The following CTNNA3 variants were observed in gnomAD, a reference collection of about 807,000 sequenced individuals.
CTNNA3 encodes catenin alpha 3.
A neutral mutation model predicts 95.7 loss-of-function variants in CTNNA3; 76 were observed. The ratio of observed to expected loss-of-function variants is 0.79; its 90% confidence interval spans 0.66 to 0.96. CTNNA3 has a LOEUF of 0.96. Among genes scored for constraint, CTNNA3 ranks in the 40% least tolerant of loss-of-function variants. CTNNA3 has a pLI of 0.00. For synonymous variants in CTNNA3, 431 were observed against 374.4 expected (o/e 1.15, Z -1.74); for missense variants, 1,191 against 1,089.8 (o/e 1.09, Z -1.31).
intron 10 of CTNNA3, among the ~76,000 whole-genome samples, chr10:66,574,498 T>C (rs1176553460): frequency 6.6e-6 from 1 of 152,060 alleles, no homozygotes; most frequent in African/African-American, 2.4e-5. Flanking sequence ...AACTAGGAAA[T>C]AACGTTCTTT....
intron 5 of CTNNA3, among the ~76,000 whole-genome samples, chr10:67,460,042 T>C (rs1430796714): frequency 6.7e-6 from 1 of 148,526 alleles, no homozygotes; most frequent in African/African-American, 2.6e-5. Flanking sequence ...TTTTACCCAA[T>C]AATAAGATTA....
intron 5 of CTNNA3, among the ~76,000 whole-genome samples, chr10:67,476,659 G>T (rs978499550): frequency 2.0e-5 from 3 of 150,238 alleles, no homozygotes; most frequent in Admixed American, 6.6e-5. Flanking sequence ...GCACCATGCC[G>T]ATTAAACTTC....
At chr10:67,392,142 T>C (rs1173199199) in intron 5 of CTNNA3, among the ~76,000 whole-genome samples, 6 of 152,246 alleles carry the variant, frequency 3.9e-5, no homozygotes, top group Admixed American at 3.3e-4. Context: ...GAGAAAATTT[T>C]CACAACCTAC....
At chr10:67,031,098 A>G (rs1411040810) in intron 7 of CTNNA3, among the ~76,000 whole-genome samples, 2 of 152,226 alleles carry the variant, frequency 1.3e-5, no homozygotes, top group Non-Finnish European at 2.9e-5. Context: ...CTGTTTTCAC[A>G]TGTTTGTAAA....
chr10:67,484,994 T>C (rs1848388876), intron 5 of CTNNA3, among the ~76,000 whole-genome samples: 1 of 152,090 alleles, frequency 6.6e-6, no homozygotes. Flanking sequence ...AATAAATCAT[T>C]CTACCAAAAA....
chr10:66,355,093 C>T (rs2092598669), intron 12 of CTNNA3, among the ~76,000 whole-genome samples: 2 of 152,098 alleles, frequency 1.3e-5, no homozygotes, highest in African/African-American at 2.4e-5. Flanking sequence ...CGTTCATCAT[C>T]AAACATACCT....
chr10:66,535,394 G>A (rs1286281844), intron 10 of CTNNA3, among the ~76,000 whole-genome samples: 1 of 152,106 alleles, frequency 6.6e-6, no homozygotes, highest in Non-Finnish European at 1.5e-5. Flanking sequence ...TAATTCAATG[G>A]GCTATGTATA....
rs76025797 is a variant in CTNNA3, at chr10:67,220,170, C to A, written c.580-300G>T. Among the ~76,000 whole-genome samples the A allele has an allele frequency of 0.016, 2,450 of 152,274 alleles. 74 individuals carry two copies. The highest frequency in any genetic ancestry group is 0.054 in the African/African-American group (2,225 of 41,548). ...AATCCTTATAAGTAGCTAAAATACTCTGGCATTCACATTATTAAGTGCATT... is the reference window on the plus strand; with the variant it reads ...AATCCTTATAAGTAGCTAAAATACTATGGCATTCACATTATTAAGTGCATT... On this transcript the variant is annotated intron_variant, in intron 5 of 17. Transcript: ENST00000433211.
At chr10:66,915,571 G>A (rs948853375) in intron 7 of CTNNA3, among the ~76,000 whole-genome samples, 1 of 151,846 alleles carries the variant, frequency 6.6e-6, no homozygotes, top group Admixed American at 6.6e-5. Flanking sequence ...TAGGGATCCT[G>A]TTCTGGAAAA....
intron 1 of CTNNA3, among the ~76,000 whole-genome samples, chr10:67,728,133 T>C (rs934144999): frequency 6.9e-6 from 1 of 144,986 alleles, no homozygotes; most frequent in Non-Finnish European, 1.5e-5. Context: ...ATAACACATA[T>C]ATGTATATAT....
intron 13 of CTNNA3, among the ~76,000 whole-genome samples, chr10:66,104,060 C>T (rs925686040): frequency 6.6e-5 from 10 of 152,222 alleles, no homozygotes; most frequent in Admixed American, 6.5e-4. Flanking sequence ...CAAAATGCCA[C>T]CAGAAATTAT....
chr10:66,778,382 G>A (rs890608792), intron 7 of CTNNA3, among the ~76,000 whole-genome samples: 4 of 152,032 alleles, frequency 2.6e-5, no homozygotes, highest in African/African-American at 7.2e-5. Context: ...CAATGAGCTC[G>A]GACTAAAGGT....
At chr10:67,139,219 G>A (rs147435133) in intron 7 of CTNNA3, among the ~76,000 whole-genome samples, 182 of 151,722 alleles carry the variant, frequency 1.2e-3, no homozygotes, top group African/African-American at 3.9e-3. Context: ...TGCAACCTCC[G>A]CCTCCCAGGT....
At chr10:66,706,156 T>A (rs1848109618) in intron 9 of CTNNA3, among the ~76,000 whole-genome samples, 2 of 152,148 alleles carry the variant, frequency 1.3e-5, no homozygotes, top group African/African-American at 4.8e-5. Context: ...GGTTTACTAC[T>A]GCCTACAAAA....
intron 17 of CTNNA3, among the ~76,000 whole-genome samples, chr10:65,933,885 C>T (rs149617349): frequency 1.3e-5 from 2 of 152,206 alleles, no homozygotes; most frequent in Non-Finnish European, 2.9e-5. Context: ...GACCCAGTCC[C>T]GACCAGCTGG....
At chr10:67,655,770 G>A (rs1243947762) in intron 1 of CTNNA3, among the ~76,000 whole-genome samples, 1 of 141,016 alleles carries the variant, frequency 7.1e-6, no homozygotes, top group Non-Finnish European at 1.5e-5. Flanking sequence ...GAAACAGAGC[G>A]AGACTCCGTC....
intron 5 of CTNNA3, among the ~76,000 whole-genome samples, chr10:67,268,273 C>G (rs1241395157): frequency 6.6e-6 from 1 of 150,470 alleles, no homozygotes; most frequent in African/African-American, 2.5e-5. Flanking sequence ...TGATACCAGA[C>G]TAGGTAACAT....
At chr10:66,665,604 G>T (rs1178816002) in intron 9 of CTNNA3, among the ~76,000 whole-genome samples, 1 of 152,048 alleles carries the variant, frequency 6.6e-6, no homozygotes, top group African/African-American at 2.4e-5. Context: ...TATAAACATT[G>T]TCTAACTTCC....
chr10:66,633,658 C>A (rs149210472), intron 9 of CTNNA3, among the ~76,000 whole-genome samples: 1,920 of 151,632 alleles, frequency 0.013, 13 homozygotes, highest in Middle Eastern at 0.024. Flanking sequence ...CCAGCCTGGG[C>A]AACAGAGCAA....
Sources: gnomAD v4.1 joint callset for allele counts (sites outside exome capture counted in the v4.1 genomes callset) on GRCh38, gnomAD v4.1.1 for gene constraint, MANE v1.5 for transcripts, NCBI Gene and HGNC (gene_info 2026-07-23, HGNC 2026-07-21) for gene names.